Variants in PAK3 observed in about 807,000 individuals in gnomAD.
PAK3 encodes the protein p21 (RAC1) activated kinase 3, also known as serine/threonine-protein kinase PAK 3.
In PAK3, 4 loss-of-function variants were observed where a neutral mutation model predicts 41.0. That is an observed-to-expected ratio of 0.10 (90% CI 0.05 to 0.22). PAK3 has a LOEUF of 0.22. PAK3 is among the 10% of genes least tolerant of loss of function. The pLI is 1.00. For synonymous variants in PAK3, 146 were observed against 139.6 expected (o/e 1.05, Z -0.32); for missense variants, 205 against 409.9 (o/e 0.50, Z 4.32).
intron 7 of PAK3, among the ~76,000 whole-genome samples, chrX:111,151,092 G>A (rs2094020320): frequency 1.8e-5 from 2 of 111,648 alleles, no homozygotes; most frequent in South Asian, 7.4e-4. Flanking sequence ...GCCATCAAGG[G>A]AAACTTTTTA....
chrX:110,996,208 C>T (rs2091736816), intron 1 of PAK3, among the ~76,000 whole-genome samples: 1 of 112,284 alleles, frequency 8.9e-6, no homozygotes, highest in Non-Finnish European at 1.9e-5. Flanking sequence ...TTTGTTTTAT[C>T]TGTCAACTTG....
chrX:111,013,918 C>T (rs2092049338), intron 1 of PAK3: 1 of 111,981 alleles, frequency 8.9e-6, no homozygotes, highest in Non-Finnish European at 1.9e-5. Flanking sequence ...TGAATGGTCT[C>T]TGTGTCCCTA....
chrX:111,207,218 A>G (rs1003384922), intron 16 of PAK3, among the ~76,000 whole-genome samples: 3 of 109,319 alleles, frequency 2.7e-5, no homozygotes, highest in African/African-American at 6.7e-5. Context: ...ACACATATAC[A>G]TATACATATA....
At chrX:111,077,808 T>C (rs2092799784) in intron 1 of PAK3, among the ~76,000 whole-genome samples, 1 of 111,286 alleles carries the variant, frequency 9.0e-6, no homozygotes, top group African/African-American at 3.3e-5. Context: ...ATTAGACAAA[T>C]GGGATTACAT....
intron 1 of PAK3, among the ~76,000 whole-genome samples, chrX:110,968,832 T>G (rs1198305448): frequency 9.0e-6 from 1 of 111,331 alleles, no homozygotes; most frequent in East Asian, 2.8e-4. Flanking sequence ...TTTTAAATTT[T>G]TATGATGTCT....
At chrX:111,152,961 T>C (rs1192298238) in intron 8 of PAK3, among the ~76,000 whole-genome samples, 2 of 112,000 alleles carry the variant, frequency 1.8e-5, no homozygotes, top group South Asian at 3.7e-4. Context: ...CATTCAAACA[T>C]TGAAGGCTCT....
chrX:111,041,503 C>CT (rs936548549), intron 1 of PAK3, among the ~76,000 whole-genome samples: 9 of 112,135 alleles, frequency 8.0e-5, no homozygotes, highest in African/African-American at 2.9e-4. Context: ...AGCTTTGCTT[C>CT]TTTTCCCCAG....
chrX:111,082,824 A>T (rs181047864), intron 1 of PAK3, among the ~76,000 whole-genome samples: 22 of 111,328 alleles, frequency 2.0e-4, no homozygotes, highest in African/African-American at 6.8e-4. Context: ...TCTCCTGTAT[A>T]TTTTTCTCCT....
intron 1 of PAK3, among the ~76,000 whole-genome samples, chrX:111,006,532 T>C (rs1233296483): frequency 8.9e-6 from 1 of 111,735 alleles, no homozygotes; most frequent in Non-Finnish European, 1.9e-5. Flanking sequence ...CTTCTGTTGG[T>C]TTAAAATTAT....
intron 4 of PAK3, among the ~76,000 whole-genome samples, chrX:111,106,098 A>AC (rs746744248): frequency 3.6e-5 from 4 of 109,972 alleles, no homozygotes; most frequent in Non-Finnish European, 7.6e-5. Context: ...GCACATGTGT[A>AC]CCCCCTCACA....
chrX:111,053,379 T>C (rs1485540071), intron 1 of PAK3, among the ~76,000 whole-genome samples: 1 of 111,710 alleles, frequency 9.0e-6, no homozygotes, highest in African/African-American at 3.3e-5. Context: ...AAGCTTAACA[T>C]CCCAGGAACA....
chrX:111,148,860 C>T (rs1187088519), intron 7 of PAK3, among the ~76,000 whole-genome samples: 2 of 110,910 alleles, frequency 1.8e-5, no homozygotes, highest in African/African-American at 3.3e-5. Flanking sequence ...AAATCTCATG[C>T]CCTCACATTT....
At chrX:111,020,523 G>A (rs2092161185) in intron 1 of PAK3, among the ~76,000 whole-genome samples, 1 of 111,235 alleles carries the variant, frequency 9.0e-6, no homozygotes, top group African/African-American at 3.3e-5. Flanking sequence ...GGATTAAGAT[G>A]GCAGATAGGA....
intron 1 of PAK3, among the ~76,000 whole-genome samples, chrX:111,063,853 A>G (rs2092679730): frequency 9.0e-6 from 1 of 110,646 alleles, no homozygotes; most frequent in Non-Finnish European, 1.9e-5. Flanking sequence ...GACTCCTTAA[A>G]CATGGAAAGA....
chrX:111,119,877 A>C (rs1419329985), intron 4 of PAK3, among the ~76,000 whole-genome samples: 1 of 112,414 alleles, frequency 8.9e-6, no homozygotes, highest in Admixed American at 9.4e-5. Context: ...AAGGTGAGTT[A>C]AAATACCAAG....
intron 6 of PAK3, among the ~76,000 whole-genome samples, chrX:111,143,691 T>A (rs904957999): frequency 9.0e-6 from 1 of 110,886 alleles, no homozygotes; most frequent in African/African-American, 3.3e-5. Context: ...GTTCTATTTT[T>A]AAAAAATTAC....
chrX:111,106,751 C>T (rs2093274418), intron 4 of PAK3, among the ~76,000 whole-genome samples: 1 of 111,677 alleles, frequency 9.0e-6, no homozygotes, highest in African/African-American at 3.3e-5. Flanking sequence ...CTTTGTTTGC[C>T]ACTAGTGCTC....
chrX:111,134,714 C>T (rs2093763975), intron 5 of PAK3, among the ~76,000 whole-genome samples: 1 of 111,328 alleles, frequency 9.0e-6, no homozygotes, highest in African/African-American at 3.3e-5. Context: ...TTAGGGAAGG[C>T]TTCCTGGAGG....
intron 16 of PAK3, among the ~76,000 whole-genome samples, chrX:111,211,674 C>CAAAAAAAAAA (rs200390666): frequency 1.8e-5 from 1 of 55,146 alleles, no homozygotes; most frequent in African/African-American, 6.1e-5. Context: ...GACTTTGTCT[C>CAAAAAAAAAA]AAAAAAAAAA....
Sources: gnomAD v4.1 joint callset for allele counts (sites outside exome capture counted in the v4.1 genomes callset) on GRCh38, gnomAD v4.1.1 for gene constraint, MANE v1.5 for transcripts, NCBI Gene and HGNC (gene_info 2026-07-23, HGNC 2026-07-21) for gene names.